KIRREL3: variants seen among roughly 807,000 people sequenced by gnomAD.
The protein encoded by KIRREL3 is kin of IRRE-like protein 3.
KIRREL3 carries 36 observed loss-of-function variants against 89.7 expected under a neutral mutation model. The ratio of observed to expected loss-of-function variants is 0.40; its 90% CI spans 0.31 to 0.53. KIRREL3 has a LOEUF of 0.53. Among genes scored for constraint, KIRREL3 ranks in the 20% least tolerant of loss-of-function variants. The pLI is 0.49. For missense variants in KIRREL3, 864 were observed against 1,056.6 expected, an observed-to-expected ratio of 0.82 and a Z score of 2.53; for synonymous variants, 445 against 441.4, an observed-to-expected ratio of 1.01 and a Z score of -0.10.
intron 1 of KIRREL3, among the ~76,000 whole-genome samples, chr11:126,733,669 G>A (rs779335914): frequency 5.3e-5 from 8 of 152,160 alleles, no homozygotes; most frequent in Non-Finnish European, 1.2e-4. Flanking sequence ...TTGATGTGCT[G>A]TTTACTTTAA....
intron 1 of KIRREL3, among the ~76,000 whole-genome samples, chr11:126,717,758 T>C (rs1948022286): frequency 6.6e-6 from 1 of 152,252 alleles, no homozygotes; most frequent in Non-Finnish European, 1.5e-5. Flanking sequence ...AAAATTATTT[T>C]CTGCCGAGCC....
chr11:126,478,801 G>A (rs1957149271), intron 4 of KIRREL3, among the ~76,000 whole-genome samples: 1 of 152,156 alleles, frequency 6.6e-6, no homozygotes, highest in South Asian at 2.1e-4. Context: ...ATGCATGTGT[G>A]TGTGCATTGG....
At chr11:126,952,124 G>C (rs1410225267) in intron 1 of KIRREL3, among the ~76,000 whole-genome samples, 1 of 152,232 alleles carries the variant, frequency 6.6e-6, no homozygotes, top group Admixed American at 6.5e-5. Context: ...GGTGGCTTAC[G>C]CCTCTAATCC....
intron 1 of KIRREL3, among the ~76,000 whole-genome samples, chr11:126,662,270 A>G (rs1945440115): frequency 6.6e-6 from 1 of 152,178 alleles, no homozygotes; most frequent in African/African-American, 2.4e-5. Context: ...AACAATTGTA[A>G]ATGACTTTGG....
At chr11:126,572,772 G>A (rs115969662) in intron 1 of KIRREL3, among the ~76,000 whole-genome samples, 1 of 152,154 alleles carries the variant, frequency 6.6e-6, no homozygotes, top group Non-Finnish European at 1.5e-5. Context: ...CAGGGGCGGG[G>A]CTGCTATTTA....
At chr11:126,862,797 G>A (rs1388319843) in intron 1 of KIRREL3, among the ~76,000 whole-genome samples, 1 of 152,204 alleles carries the variant, frequency 6.6e-6, no homozygotes, top group Non-Finnish European at 1.5e-5. Context: ...CAGCCACAGA[G>A]AAATCAATCT....
At position 126,594,148 on chromosome 11, in the gene KIRREL3, C is replaced by T. The variant is rs1441659359; in HGVS notation, c.56-31236G>A. On this transcript the variant is annotated intron_variant, in intron 1 of 16. Transcript: ENST00000525144. The surrounding 1 kb of genome is among the most constrained non-coding windows in gnomAD (Gnocchi z 5.0). ...CTCCCTCCTGGTCACAGGTTCTGCC[C>T]TGAGATCTGAAGTAAGCTGTGGGAC... Among the ~76,000 whole-genome samples the T allele has an allele frequency of 6.6e-6, 1 of 152,154 alleles. No individual in the cohort carries two copies. Among genetic ancestry groups the T allele is most frequent in the Non-Finnish European group, 1.5e-5 (1 of 68,024 alleles).
chr11:126,672,755 C>G (rs955159907), intron 1 of KIRREL3, among the ~76,000 whole-genome samples: 5 of 152,192 alleles, frequency 3.3e-5, no homozygotes, highest in Non-Finnish European at 7.3e-5. Flanking sequence ...AATTTGCTAT[C>G]TAGTCAGGTA....
rs747046757 is a variant in KIRREL3, at chr11:126,990,625, T to A, written c.55+9830A>T. Among the ~76,000 whole-genome samples the A allele has an allele frequency of 1.7e-4, 26 of 152,210 alleles. No individual in the cohort carries two copies. The highest frequency in any genetic ancestry group is 3.4e-4 in the Non-Finnish European group (23 of 68,036). ...CCCAAAATAGTGCCCCAGCTCTTGG[T>A]GCGGCTTCAGAAGAACAGCTCCTCT... is the stretch of plus-strand genomic sequence containing the variant. On this transcript the variant is annotated intron_variant, in intron 1 of 16. Transcript: ENST00000525144. This position sits in a 1 kb window ranked among gnomAD's most constrained non-coding sequence, Gnocchi z 6.3.
chr11:126,870,141 T>C lies in KIRREL3; in HGVS notation c.55+130314A>G, dbSNP rs898154219. Among the ~76,000 whole-genome samples the C allele has an allele frequency of 6.6e-6, 1 of 152,186 alleles. No individual in the cohort carries two copies. The highest frequency in any genetic ancestry group is 6.5e-5 in the Admixed American group (1 of 15,286). On this transcript the variant is annotated intron_variant, in intron 1 of 16. Transcript: ENST00000525144. This position sits in a 1 kb window ranked among gnomAD's most constrained non-coding sequence, Gnocchi z 4.4. The stretch of plus-strand genomic sequence containing the variant: ...TGTGATTAATGACCAGGAGTGAGTG[T>C]GGGCGAGTGTGGGGCACAGGGTCGT...
intron 1 of KIRREL3, among the ~76,000 whole-genome samples, chr11:126,789,265 G>A (rs1001387840): frequency 2.6e-5 from 4 of 151,958 alleles, no homozygotes; most frequent in Non-Finnish European, 2.9e-5. Flanking sequence ...CCCTTGCCAC[G>A]TGCAGTGCCC....
chr11:126,481,013 T>C (rs919690857), intron 4 of KIRREL3, among the ~76,000 whole-genome samples: 20 of 152,144 alleles, frequency 1.3e-4, no homozygotes, highest in Admixed American at 7.9e-4. Flanking sequence ...CCGAACAATG[T>C]TTGGAGAAAT....
In KIRREL3 at chr11:127,000,432, C is replaced by T. The variant is rs1264453796; in HGVS notation, c.55+23G>A. 6.3e-7 allele frequency: 1 copy of T among 1,587,194 alleles called. No individual in the cohort carries two copies. The highest frequency in any genetic ancestry group is 8.6e-7 in the Non-Finnish European group (1 of 1,166,990). ...GACAACCCAGCCGACTTTCTTCCAA[C>T]TCCAGCAGCGCAGGGGTCCTACCTT... is the stretch of plus-strand genomic sequence containing the variant. On this transcript the variant is annotated intron_variant, in intron 1 of 16. Transcript: ENST00000525144. This position sits in a 1 kb window ranked among gnomAD's most constrained non-coding sequence, Gnocchi z 7.1.
In KIRREL3 at chr11:126,485,370, G is replaced by A; in HGVS notation, c.434-11904C>T. Among the ~76,000 whole-genome samples the A allele has an allele frequency of 6.6e-6, 1 of 152,186 alleles. No individual in the cohort carries two copies. Among genetic ancestry groups the A allele is most frequent in the East Asian group, 1.9e-4 (1 of 5,186 alleles). ...CTGCAAAGGTTTGGGACACTGGGAA[G>A]CCCACTTCTCAGCTGGAGCTCATAT... On this transcript the variant is annotated intron_variant, in intron 4 of 16. Coordinates refer to ENST00000525144, the MANE Select transcript of KIRREL3 (RefSeq NM_032531.4). The surrounding 1 kb of genome is among the most constrained non-coding windows in gnomAD (Gnocchi z 5.8).
rs1248121653 is a variant in KIRREL3 at position 126,788,170 on chromosome 11, A to G, written c.55+212285T>C. ...TGTGTGCAAAAAGAGTGGGTGATGG[A>G]GTTGGGCTTGGGACAAATGCACAAT... On this transcript the variant is annotated intron_variant, in intron 1 of 16. Transcript: ENST00000525144. The surrounding 1 kb of genome is among the most constrained non-coding windows in gnomAD (Gnocchi z 4.1). Among the ~76,000 whole-genome samples, 1 of 152,196 alleles carries G rather than the reference A, an allele frequency of 6.6e-6. No homozygotes were observed. The highest frequency in any genetic ancestry group is 1.5e-5 in the Non-Finnish European group (1 of 68,028).
intron 4 of KIRREL3, among the ~76,000 whole-genome samples, chr11:126,499,976 CA>C (rs1957802173): frequency 6.6e-6 from 1 of 152,140 alleles, no homozygotes; most frequent in Non-Finnish European, 1.5e-5. Flanking sequence ...GGGTCTGATA[CA>C]ATGCTTTTGC....
chr11:126,755,849 GA>G lies in KIRREL3; in HGVS notation c.56-192938del, dbSNP rs1473920538. 3.0e-4 allele frequency among the ~76,000 whole-genome samples: 37 copies of G among 121,412 alleles called. No homozygotes were observed. The South Asian group carries it at 6.7e-3, about 22-fold the overall frequency. The allele number at this position is 121,412 out of a possible 152,430, so 79.7% of individuals were successfully genotyped here. ...AGAGAGAGAGAGAGAGAGAGAGAGAGAGAGAGGGAGAGAGGGAGAGAGAAAA... is the reference window on the plus strand; with the variant it reads ...AGAGAGAGAGAGAGAGAGAGAGAGAGGAGAGGGAGAGAGGGAGAGAGAAAA... On this transcript the variant is annotated intron_variant, in intron 1 of 16. Coordinates refer to ENST00000525144, the MANE Select transcript of KIRREL3 (RefSeq NM_032531.4). The surrounding 1 kb of genome is among the most constrained non-coding windows in gnomAD (Gnocchi z 4.3).
In KIRREL3 at chr11:126,605,451, G is replaced by T. The variant is rs73627283; in HGVS notation, c.56-42539C>A. Among the ~76,000 whole-genome samples, 1 of 152,112 alleles carries T rather than the reference G, an allele frequency of 6.6e-6. No homozygotes were observed. Among genetic ancestry groups the T allele is most frequent in the Non-Finnish European group, 1.5e-5 (1 of 68,028 alleles). ...TGCGGTGACTGCTGTGAAGTGGTGTGGGGGCTCAGGATGGGACCTACTTCA... is the reference window on the plus strand; with the variant it reads ...TGCGGTGACTGCTGTGAAGTGGTGTTGGGGCTCAGGATGGGACCTACTTCA... On this transcript the variant is annotated intron_variant, in intron 1 of 16. Transcript: ENST00000525144. This position sits in a 1 kb window ranked among gnomAD's most constrained non-coding sequence, Gnocchi z 5.7.
intron 7 of KIRREL3, among the ~76,000 whole-genome samples, chr11:126,451,329 AGT>A (rs1255096640): frequency 6.4e-5 from 3 of 46,574 alleles, no homozygotes; most frequent in South Asian, 1.2e-3. Flanking sequence ...TGTGTGCATT[AGT>A]GAGTGTGTGC....
Sources: gnomAD v4.1 joint callset for allele counts (sites outside exome capture counted in the v4.1 genomes callset) on GRCh38, gnomAD v4.1.1 for gene constraint, Gnocchi (gnomAD v3.1) non-coding constraint, MANE v1.5 for transcripts, NCBI Gene and HGNC (gene_info 2026-07-23, HGNC 2026-07-21) for gene names.